The following SPAST variants were observed in gnomAD, a reference collection of about 807,000 sequenced individuals.
The protein encoded by SPAST is spastin, also known as spastic paraplegia 4 (autosomal dominant; spastin).
Under a neutral mutation model 76.6 loss-of-function variants are expected in SPAST, and 30 were observed. That is an observed-to-expected ratio of 0.39 (90% CI 0.29 to 0.53). The LOEUF is 0.53. Ranked by LOEUF, SPAST falls within the 20% of genes least tolerant of loss-of-function variation. The pLI, the probability that SPAST is intolerant of heterozygous loss-of-function variation, is 0.68. For synonymous variants in SPAST, 305 were observed against 281.0 expected (o/e 1.09, Z -0.86); for missense variants, 717 against 770.5 (o/e 0.93, Z 0.82).
intron 1 of SPAST, 31 bp downstream of exon 1, chr2:32,064,277 GCGCC>G: frequency 2.2e-6 from 3 of 1,390,412 alleles, no homozygotes; most frequent in Non-Finnish European, 2.9e-6. Context: ...GGGGGCGGCG[GCGCC>G]GGGAAGAAGG....
intron 4 of SPAST, among the ~76,000 whole-genome samples, chr2:32,100,417 G>T (rs1185826345): frequency 3.3e-5 from 5 of 150,716 alleles, no homozygotes; most frequent in Admixed American, 6.6e-5. Context: ...CTTAGGTTAG[G>T]CTATAAAACA....
At chr2:32,153,392 G>C (rs1412965057) in intron 16 of SPAST, among the ~76,000 whole-genome samples, 2 of 144,724 alleles carry the variant, frequency 1.4e-5, no homozygotes, top group East Asian at 4.1e-4. Flanking sequence ...GCACGATCTC[G>C]GCTCACTTAC....
At chr2:32,076,238 T>TTTA (rs1301389482) in intron 1 of SPAST, among the ~76,000 whole-genome samples, 1 of 152,110 alleles carries the variant, frequency 6.6e-6, no homozygotes, top group African/African-American at 2.4e-5. Context: ...AGGTGACATT[T>TTTA]TTAAGGGTCA....
chr2:32,153,030 C>T (rs1012780203), intron 16 of SPAST, among the ~76,000 whole-genome samples: 40 of 151,870 alleles, frequency 2.6e-4, no homozygotes, highest in African/African-American at 2.4e-5. Context: ...TTAACAGGTG[C>T]GAGCCACTGC....
chr2:32,112,789 A>G (rs1678666398), intron 4 of SPAST, among the ~76,000 whole-genome samples: 2 of 152,130 alleles, frequency 1.3e-5, no homozygotes, highest in South Asian at 4.1e-4. Flanking sequence ...TAGTTTTCTT[A>G]AACCGTATTA....
Position 32,136,864 on chromosome 2 carries a change from G to A in SPAST, c.1322-13G>A, listed in dbSNP as rs755191904. 10 of 1,600,486 alleles carry A rather than the reference G, an allele frequency of 6.2e-6. No individual in the cohort carries two copies. The highest frequency in any genetic ancestry group is 1.1e-5 in the South Asian group (1 of 90,810). ...GGTCTTTAATTAAAGTCTTATACTT[G>A]TATTTCCTCTAGATGAAGTTGATAG... On this transcript the variant is annotated splice_polypyrimidine_tract_variant and intron_variant, in intron 10 of 16. Transcript: ENST00000315285.
chr2:32,087,593 G>C lies in SPAST; in HGVS notation c.502+15G>C. ...TACAGGACAAGGTAAGATTGTATTT[G>C]TTTATAGCCATCCCAAATTATGATA... On this transcript the variant is annotated intron_variant, in intron 2 of 16. Transcript: ENST00000315285. The C allele has an allele frequency of 7.4e-7, 1 of 1,346,714 alleles. No individual in the cohort carries two copies. The highest frequency in any genetic ancestry group is 1.4e-5 in the African/African-American group (1 of 69,376). The allele number at this position is 1,346,714 out of a possible 1,614,324, so 83.4% of individuals were successfully genotyped here.
chr2:32,065,176 C>T (rs1379125114), intron 1 of SPAST, among the ~76,000 whole-genome samples: 2 of 151,992 alleles, frequency 1.3e-5, no homozygotes, highest in Non-Finnish European at 2.9e-5. Flanking sequence ...CGCACCACCA[C>T]GCCTGGCTAA....
In SPAST at chr2:32,063,822, A is replaced by G; in HGVS notation, c.-10A>G. The stretch of plus-strand genomic sequence containing the variant: ...GCGGGTTATGGCGGCGGCGGCAGTG[A>G]GAGCTGTGAATGAATTCTCCGGGTG... On this transcript the variant is annotated 5_prime_UTR_variant, in exon 1 of 17. Transcript: ENST00000315285. 6.4e-7 allele frequency: 1 copy of G among 1,562,934 alleles called. No individual in the cohort carries two copies. Among genetic ancestry groups the G allele is most frequent in the African/African-American group, 1.3e-5 (1 of 74,174 alleles).
intron 4 of SPAST, among the ~76,000 whole-genome samples, chr2:32,112,176 C>G (rs1195071299): frequency 6.6e-6 from 1 of 151,410 alleles, no homozygotes; most frequent in African/African-American, 2.4e-5. Context: ...TGATCTTAAA[C>G]TCCTGACCTC....
At chr2:32,081,876 T>G (rs1677244717) in intron 1 of SPAST, among the ~76,000 whole-genome samples, 1 of 151,408 alleles carries the variant, frequency 6.6e-6, no homozygotes, top group Non-Finnish European at 1.5e-5. Context: ...CGATAATTTT[T>G]AAAATAATAA....
At chr2:32,114,853 T>C (rs1357276275) in intron 5 of SPAST, 28 bp downstream of exon 5, 2 of 1,587,998 alleles carry the variant, frequency 1.3e-6, no homozygotes, top group Non-Finnish European at 8.6e-7. Context: ...CTTTAATTGC[T>C]GTCTTTTTGC....
chr2:32,093,884 A>G (rs1677824761), intron 3 of SPAST, among the ~76,000 whole-genome samples: 4 of 152,166 alleles, frequency 2.6e-5, no homozygotes, highest in Admixed American at 2.0e-4. Flanking sequence ...CTTTTCATCT[A>G]TTGCAGGTTT....
In SPAST at chr2:32,076,436, G is replaced by A. The variant is rs532484177; in HGVS notation, c.416-11056G>A. Among the ~76,000 whole-genome samples, 18 of 151,992 alleles carry A rather than the reference G, an allele frequency of 1.2e-4. 1 individual carries two copies. In the South Asian group the frequency reaches 3.5e-3, roughly 30 times the overall value. ...AGGGTCCTACTGTATTACCCAGGCT[G>A]GTCTTGAATGCCTGGCCTCAAGCAA... On this transcript the variant is annotated intron_variant, in intron 1 of 16. Transcript: ENST00000315285.
chr2:32,150,182 C>T (rs1226177916), intron 16 of SPAST, among the ~76,000 whole-genome samples: 1 of 149,122 alleles, frequency 6.7e-6, no homozygotes, highest in Non-Finnish European at 1.5e-5. Context: ...AAGTGATTCT[C>T]CTGCCTCAGC....
At chr2:32,140,967 G>A (rs1433363026) in intron 12 of SPAST, among the ~76,000 whole-genome samples, 2 of 136,750 alleles carry the variant, frequency 1.5e-5, no homozygotes, top group South Asian at 2.3e-4. Flanking sequence ...TTTTTTAAAT[G>A]AGCCCTGTCC....
intron 16 of SPAST, among the ~76,000 whole-genome samples, chr2:32,150,217 T>A (rs1013664561): frequency 2.1e-4 from 30 of 144,494 alleles, no homozygotes; most frequent in African/African-American, 7.4e-4. Context: ...GGACTACAGG[T>A]GCACGCCACC....
chr2:32,067,737 T>A (rs1322699963), intron 1 of SPAST, among the ~76,000 whole-genome samples: 1 of 147,672 alleles, frequency 6.8e-6, no homozygotes, highest in Non-Finnish European at 1.5e-5. Flanking sequence ...TCAAGGCTCA[T>A]TCCTAGGCTT....
chr2:32,090,555 A>C (rs1163014266), intron 3 of SPAST, among the ~76,000 whole-genome samples: 1 of 152,080 alleles, frequency 6.6e-6, no homozygotes, highest in Non-Finnish European at 1.5e-5. Context: ...CCCCCCCAAA[A>C]TGCAATTTCC....
Sources: allele counts gnomAD v4.1 joint callset (sites outside exome capture counted in the v4.1 genomes callset), GRCh38; gene constraint gnomAD v4.1.1; transcripts MANE v1.5; gene names NCBI Gene and HGNC (gene_info 2026-07-23, HGNC 2026-07-21).